PPP3CA: variants seen among roughly 807,000 people sequenced by gnomAD.
PPP3CA encodes the protein protein phosphatase 3 catalytic subunit alpha, also known as CAM-PRP catalytic subunit.
A neutral mutation model predicts 66.5 loss-of-function variants in PPP3CA; 14 were observed. The ratio of observed to expected loss-of-function variants is 0.21; its 90% confidence interval spans 0.14 to 0.33. The LOEUF is 0.33. Among genes scored for constraint, PPP3CA ranks in the 10% least tolerant of loss-of-function variants. The probability of loss-of-function intolerance (pLI) is 1.00; values close to 1 mark genes in which losing one functional copy is unlikely to be tolerated. For synonymous variants in PPP3CA, 232 were observed against 226.2 expected (o/e 1.03, Z -0.23); for missense variants, 317 against 639.5 (o/e 0.50, Z 5.44).
chr4:101,097,074 A>G (rs1328833533), intron 5 of PPP3CA, among the ~76,000 whole-genome samples: 1 of 152,146 alleles, frequency 6.6e-6, no homozygotes, highest in Admixed American at 6.5e-5. Context: ...AAGTGAACCT[A>G]TAACTTAAGA....
chr4:101,313,671 C>A (rs979738582), intron 1 of PPP3CA, among the ~76,000 whole-genome samples: 1 of 152,070 alleles, frequency 6.6e-6, no homozygotes, highest in African/African-American at 2.4e-5. Flanking sequence ...GAGTCTAAGG[C>A]AATTCAGACT....
At chr4:101,331,309 T>C (rs886882043) in intron 1 of PPP3CA, among the ~76,000 whole-genome samples, 1 of 152,214 alleles carries the variant, frequency 6.6e-6, no homozygotes, top group Admixed American at 6.5e-5. Flanking sequence ...GATATTAATG[T>C]CATTAAAATT....
chr4:101,250,225 T>C, intron 1 of PPP3CA: 1 of 330,454 alleles, frequency 3.0e-6, no homozygotes. Context: ...GGTCAAGGTC[T>C]GGGTCAAGGT....
intron 2 of PPP3CA, among the ~76,000 whole-genome samples, chr4:101,124,971 T>C (rs182095751): frequency 2.6e-5 from 4 of 152,346 alleles, no homozygotes; most frequent in Admixed American, 2.0e-4. Context: ...CATCTACAGA[T>C]GTAAAATATT....
intron 1 of PPP3CA, among the ~76,000 whole-genome samples, chr4:101,305,871 T>C (rs1235901651): frequency 6.8e-6 from 1 of 146,432 alleles, no homozygotes; most frequent in Non-Finnish European, 1.5e-5. Flanking sequence ...TAAGGACAAA[T>C]AGGAAAGTAC....
chr4:101,241,387 T>G (rs1484192412), intron 1 of PPP3CA, among the ~76,000 whole-genome samples: 1 of 152,102 alleles, frequency 6.6e-6, no homozygotes, highest in African/African-American at 2.4e-5. Context: ...AGATCAAAGA[T>G]AACACAAATT....
At chr4:101,122,940 G>A (rs1239374008) in intron 2 of PPP3CA, among the ~76,000 whole-genome samples, 4 of 152,112 alleles carry the variant, frequency 2.6e-5, no homozygotes, top group African/African-American at 9.7e-5. Flanking sequence ...GTATTATGAT[G>A]GTGGCAGTGT....
chr4:101,108,864 T>C, intron 3 of PPP3CA, 90 bp downstream of exon 3: 1 of 1,268,800 alleles, frequency 7.9e-7, no homozygotes, highest in Non-Finnish European at 1.1e-6. Flanking sequence ...GTTAGAGGTT[T>C]CCATAAGGCA....
In PPP3CA at chr4:101,098,517, T is replaced by G. The variant is rs555154730; in HGVS notation, c.497-5A>C. On this transcript the variant is annotated splice_polypyrimidine_tract_variant and splice_region_variant and intron_variant, in intron 4 of 13. Transcript: ENST00000394854. ...GTTCTGAATACTTTATTTTACCTTT[T>G]AGAAGTGATTAAAAGAATACTTATG... is the stretch of plus-strand genomic sequence containing the variant. 2 of 1,592,870 alleles carry G rather than the reference T, an allele frequency of 1.3e-6. No homozygotes were observed. Among genetic ancestry groups the G allele is most frequent in the East Asian group, 4.5e-5 (2 of 44,150 alleles).
At chr4:101,044,757 G>C (rs1485207312) in intron 10 of PPP3CA, among the ~76,000 whole-genome samples, 1 of 152,146 alleles carries the variant, frequency 6.6e-6, no homozygotes, top group African/African-American at 2.4e-5. Context: ...GGGGAGGCTA[G>C]TACACAGACC....
chr4:101,276,450 T>C (rs927268606), intron 1 of PPP3CA, among the ~76,000 whole-genome samples: 1 of 152,244 alleles, frequency 6.6e-6, no homozygotes, highest in African/African-American at 2.4e-5. Flanking sequence ...TAAAATAGTT[T>C]CAGTCTTTAG....
intron 12 of PPP3CA, among the ~76,000 whole-genome samples, chr4:101,029,808 T>A (rs1460932932): frequency 1.3e-5 from 2 of 149,628 alleles, no homozygotes; most frequent in Admixed American, 1.4e-4. Flanking sequence ...CATTACTAGA[T>A]CTGGGGGTCG....
intron 1 of PPP3CA, among the ~76,000 whole-genome samples, chr4:101,305,978 ATTTT>A (rs1023532643): frequency 4.1e-5 from 6 of 147,772 alleles, no homozygotes; most frequent in South Asian, 2.1e-4. Flanking sequence ...GAAGTAGGAG[ATTTT>A]TTTTTTTTCT....
At chr4:101,328,917 T>C (rs1349924061) in intron 1 of PPP3CA, among the ~76,000 whole-genome samples, 1 of 151,950 alleles carries the variant, frequency 6.6e-6, no homozygotes, top group African/African-American at 2.4e-5. Flanking sequence ...TTTACCCATC[T>C]CTCTCTGTCT....
Position 101,124,712 on chromosome 4 carries a change from A to AGAAAGAAAGAAAGAAAGAAG in PPP3CA, c.260-15635_260-15634insCTTCTTTCTTTCTTTCTTTC, listed in dbSNP as rs1722157917. Among the ~76,000 whole-genome samples, 4 of 97,630 alleles carry AGAAAGAAAGAAAGAAAGAAG rather than the reference A, an allele frequency of 4.1e-5. No individual in the cohort carries two copies. The East Asian group carries it at 8.1e-4, about 20-fold the overall frequency. The allele number at this position is 97,630 out of a possible 152,430, so 64.0% of individuals were successfully genotyped here. A position where few individuals can be genotyped will look rare whatever the true frequency, so the allele number is the denominator to read the frequency against. On this transcript the variant is annotated intron_variant, in intron 2 of 13. Coordinates refer to ENST00000394854, the MANE Select transcript of PPP3CA (RefSeq NM_000944.5). ...AAGAAAGAAAGAAAGAAAGAAAGAA[A>AGAAAGAAAGAAAGAAAGAAG]GAAAGAAAGAAAGAGAAAGAAAGAA...
At chr4:101,138,870 ATTG>A (rs143159767) in intron 2 of PPP3CA, among the ~76,000 whole-genome samples, 13,694 of 152,202 alleles carry the variant, frequency 0.09, 1,142 homozygotes, top group East Asian at 0.3. Context: ...GTAACTTTTC[ATTG>A]TTAATAATTT....
chr4:101,346,714 C>T, intron 1 of PPP3CA, 25 bp downstream of exon 1: 1 of 1,604,164 alleles, frequency 6.2e-7, no homozygotes, highest in Non-Finnish European at 8.5e-7. Context: ...ACGGTGCACC[C>T]AGGCCACCGC....
At chr4:101,306,409 G>A (rs1311004599) in intron 1 of PPP3CA, among the ~76,000 whole-genome samples, 2 of 151,962 alleles carry the variant, frequency 1.3e-5, no homozygotes, top group African/African-American at 2.4e-5. Flanking sequence ...CTCCCCCTCC[G>A]GAAAGCCACA....
chr4:101,071,416 T>C (rs1401250209), intron 8 of PPP3CA, among the ~76,000 whole-genome samples: 1 of 152,204 alleles, frequency 6.6e-6, no homozygotes, highest in African/African-American at 2.4e-5. Flanking sequence ...CTTGCAGGTC[T>C]AGAATTCCTA....
Sources: gnomAD v4.1 joint callset for allele counts (sites outside exome capture counted in the v4.1 genomes callset) on GRCh38, gnomAD v4.1.1 for gene constraint, MANE v1.5 for transcripts, NCBI Gene and HGNC (gene_info 2026-07-23, HGNC 2026-07-21) for gene names.